The following PXDNL variants were observed in gnomAD, a reference collection of about 807,000 sequenced individuals.
PXDNL encodes peroxidasin like.
Under a neutral mutation model 150.8 loss-of-function variants are expected in PXDNL, and 145 were observed. The observed-to-expected ratio is 0.96, with a 90% confidence interval of 0.84 to 1.10. The LOEUF (loss-of-function observed/expected upper bound fraction) is 1.10. Ranked by LOEUF, PXDNL falls within the 50% of genes least tolerant of loss-of-function variation. The pLI, the probability that PXDNL is intolerant of heterozygous loss-of-function variation, is 0.00. For missense variants in PXDNL, 2,087 were observed against 1,873.9 expected (o/e 1.11, Z -2.10); for synonymous variants, 757 against 725.7 (o/e 1.04, Z -0.69).
intron 3 of PXDNL, among the ~76,000 whole-genome samples, chr8:51,571,518 A>G (rs370037910): frequency 8.6e-5 from 13 of 151,988 alleles, no homozygotes; most frequent in African/African-American, 1.9e-4. Context: ...ATAAGGCTTA[A>G]GCTAAAATGA....
At chr8:51,779,022 C>T (rs1563318823) in intron 1 of PXDNL, among the ~76,000 whole-genome samples, 1 of 152,168 alleles carries the variant, frequency 6.6e-6, no homozygotes, top group Non-Finnish European at 1.5e-5. Flanking sequence ...TCACCCTGAC[C>T]TGGCTCTCAT....
At chr8:51,549,563 A>T (rs1282040357) in intron 4 of PXDNL, among the ~76,000 whole-genome samples, 3 of 152,120 alleles carry the variant, frequency 2.0e-5, no homozygotes, top group African/African-American at 7.2e-5. Flanking sequence ...GGAAATTTAA[A>T]AATCTGCCCC....
chr8:51,668,510 A>G (rs1815435715), intron 1 of PXDNL, among the ~76,000 whole-genome samples: 1 of 152,060 alleles, frequency 6.6e-6, no homozygotes, highest in Admixed American at 6.6e-5. Flanking sequence ...TGGTAATAAG[A>G]CAAAAGGCTA....
At chr8:51,338,692 A>G (rs779989994) in intron 21 of PXDNL, among the ~76,000 whole-genome samples, 1 of 152,226 alleles carries the variant, frequency 6.6e-6, no homozygotes, top group Non-Finnish European at 1.5e-5. Context: ...TCAGACATAT[A>G]TTTTTGAATA....
intron 1 of PXDNL, among the ~76,000 whole-genome samples, chr8:51,707,115 T>G (rs947455150): frequency 6.6e-6 from 1 of 152,348 alleles, no homozygotes; most frequent in East Asian, 1.9e-4. Context: ...TAATTTGTTT[T>G]GGATCATGCT....
At chr8:51,672,095 C>T (rs1163400820) in intron 1 of PXDNL, among the ~76,000 whole-genome samples, 1 of 152,104 alleles carries the variant, frequency 6.6e-6, no homozygotes, top group East Asian at 1.9e-4. Flanking sequence ...GATTCTTGTG[C>T]CTCAGCCTCC....
intron 1 of PXDNL, among the ~76,000 whole-genome samples, chr8:51,739,728 T>C (rs2036883235): frequency 6.6e-6 from 1 of 151,826 alleles, no homozygotes; most frequent in African/African-American, 2.4e-5. Flanking sequence ...AATAAAAAAT[T>C]AGCTGGGCAT....
At chr8:51,660,525 T>C (rs565863941) in intron 1 of PXDNL, among the ~76,000 whole-genome samples, 1 of 152,204 alleles carries the variant, frequency 6.6e-6, no homozygotes, top group African/African-American at 2.4e-5. Context: ...CTTACCAGAC[T>C]GATTTCTGTT....
chr8:51,459,365 T>C (rs1810011978), intron 8 of PXDNL, among the ~76,000 whole-genome samples: 1 of 152,170 alleles, frequency 6.6e-6, no homozygotes, highest in African/African-American at 2.4e-5. Context: ...ATATGACAAA[T>C]GATGAAATCA....
chr8:51,780,487 A>T (rs2037400634), intron 1 of PXDNL, among the ~76,000 whole-genome samples: 1 of 152,130 alleles, frequency 6.6e-6, no homozygotes, highest in Non-Finnish European at 1.5e-5. Context: ...CTACAATGAG[A>T]AACCTTTAAA....
At chr8:51,773,406 G>A (rs576687677) in intron 1 of PXDNL, among the ~76,000 whole-genome samples, 2 of 152,166 alleles carry the variant, frequency 1.3e-5, no homozygotes, top group South Asian at 4.1e-4. Flanking sequence ...GGCTTCTGTG[G>A]ACCCTCTGGG....
At chr8:51,601,341 C>T (rs1289375489) in intron 2 of PXDNL, among the ~76,000 whole-genome samples, 1 of 151,864 alleles carries the variant, frequency 6.6e-6, no homozygotes, top group Non-Finnish European at 1.5e-5. Context: ...ATGAATATTA[C>T]TGTGTGGCTG....
chr8:51,578,798 T>C (rs902053165), intron 3 of PXDNL, among the ~76,000 whole-genome samples: 9 of 151,904 alleles, frequency 5.9e-5, no homozygotes, highest in African/African-American at 2.2e-4. Context: ...AGCCTAGAAA[T>C]AGACCTGCAA....
At chr8:51,448,914 T>C (rs1370403170) in intron 11 of PXDNL, 88 bp downstream of exon 11, 2 of 742,212 alleles carry the variant, frequency 2.7e-6, no homozygotes, top group Non-Finnish European at 4.9e-6. Context: ...TGATACACCT[T>C]CGATAATTAA....
intron 4 of PXDNL, among the ~76,000 whole-genome samples, chr8:51,542,900 G>A (rs997038046): frequency 4.6e-5 from 7 of 151,920 alleles, no homozygotes; most frequent in African/African-American, 1.2e-4. Flanking sequence ...TTAGTGATAC[G>A]TTATATCACT....
At chr8:51,525,842 C>T (rs1041851560) in intron 4 of PXDNL, among the ~76,000 whole-genome samples, 5 of 152,136 alleles carry the variant, frequency 3.3e-5, no homozygotes, top group African/African-American at 1.2e-4. Flanking sequence ...CAGGCCAGAA[C>T]TCCATGGTGA....
chr8:51,582,603 AAC>A (rs1308354809), intron 3 of PXDNL, among the ~76,000 whole-genome samples: 1 of 152,166 alleles, frequency 6.6e-6, no homozygotes, highest in Non-Finnish European at 1.5e-5. Flanking sequence ...GATGCTTAGT[AAC>A]ACTGATATTT....
chr8:51,347,679 CA>C (rs1806200097), intron 19 of PXDNL, among the ~76,000 whole-genome samples: 1 of 152,024 alleles, frequency 6.6e-6, no homozygotes, highest in South Asian at 2.1e-4. Context: ...AGGCCGGGTG[CA>C]GTGGCTCATG....
chr8:51,416,918 T>C (rs16916220), intron 14 of PXDNL, among the ~76,000 whole-genome samples: 2,047 of 152,344 alleles, frequency 0.013, 42 homozygotes, highest in African/African-American at 0.046. Context: ...TTTATGTCAG[T>C]TATGATTTTT....
Sources: gnomAD v4.1 joint callset for allele counts (sites outside exome capture counted in the v4.1 genomes callset) on GRCh38, gnomAD v4.1.1 for gene constraint, MANE v1.5 for transcripts, NCBI Gene and HGNC (gene_info 2026-07-23, HGNC 2026-07-21) for gene names.